LEF1: variants seen among roughly 807,000 people sequenced by gnomAD.
The protein encoded by LEF1 is lymphoid enhancer-binding factor 1.
Under a neutral mutation model 51.2 loss-of-function variants are expected in LEF1, and 14 were observed. The observed-to-expected ratio is 0.27, with a 90% CI of 0.18 to 0.43. LEF1 has a LOEUF of 0.43. Ranked by LOEUF, LEF1 falls within the 20% of genes least tolerant of loss-of-function variation. The probability of loss-of-function intolerance (pLI) is 1.00; values close to 1 mark genes in which losing one functional copy is unlikely to be tolerated. For missense variants in LEF1, 386 were observed against 512.0 expected, an observed-to-expected ratio of 0.75 and a Z score of 2.37; for synonymous variants, 185 against 183.2, an observed-to-expected ratio of 1.01 and a Z score of -0.08.
intron 3 of LEF1, among the ~76,000 whole-genome samples, chr4:108,105,520 A>G (rs1310690069): frequency 6.6e-6 from 1 of 152,182 alleles, no homozygotes. Context: ...GAAGACTACT[A>G]GGGTTCTAAT....
At chr4:108,146,148 T>C (rs1197868193) in intron 3 of LEF1, among the ~76,000 whole-genome samples, 1 of 152,228 alleles carries the variant, frequency 6.6e-6, no homozygotes, top group African/African-American at 2.4e-5. Context: ...TCTCCATGAG[T>C]AAAAACAACT....
intron 3 of LEF1, among the ~76,000 whole-genome samples, chr4:108,100,070 C>T (rs1176622615): frequency 6.6e-6 from 1 of 152,082 alleles, no homozygotes; most frequent in African/African-American, 2.4e-5. Flanking sequence ...AAAAATGATG[C>T]TGCAGACAAC....
intron 8 of LEF1, among the ~76,000 whole-genome samples, chr4:108,076,073 C>T (rs1738837268): frequency 6.6e-6 from 1 of 152,140 alleles, no homozygotes; most frequent in East Asian, 1.9e-4. Flanking sequence ...ACACATGCTA[C>T]TCCATCTGCA....
chr4:108,127,252 G>A (rs1742603805), intron 3 of LEF1, among the ~76,000 whole-genome samples: 1 of 152,076 alleles, frequency 6.6e-6, no homozygotes, highest in Non-Finnish European at 1.5e-5. Context: ...TAATTCTTTG[G>A]GTTCTTTTTT....
At chr4:108,153,396 C>G (rs1490570194) in intron 3 of LEF1, among the ~76,000 whole-genome samples, 1 of 152,172 alleles carries the variant, frequency 6.6e-6, no homozygotes, top group Non-Finnish European at 1.5e-5. Flanking sequence ...ATTGATAATA[C>G]AGTTGGTATT....
At chr4:108,103,123 T>C (rs553153162) in intron 3 of LEF1, among the ~76,000 whole-genome samples, 4 of 152,350 alleles carry the variant, frequency 2.6e-5, no homozygotes, top group Middle Eastern at 3.4e-3. Context: ...AGTGGGCCAC[T>C]AGGCCTCAGA....
chr4:108,113,323 G>A (rs1741640591), intron 3 of LEF1, among the ~76,000 whole-genome samples: 1 of 152,204 alleles, frequency 6.6e-6, no homozygotes, highest in Non-Finnish European at 1.5e-5. Context: ...TCAGGGAGGA[G>A]AGCCAGCTGA....
At chr4:108,127,100 G>A (rs1345278292) in intron 3 of LEF1, among the ~76,000 whole-genome samples, 1 of 151,486 alleles carries the variant, frequency 6.6e-6, no homozygotes, top group African/African-American at 2.4e-5. Flanking sequence ...CATAGGAGCT[G>A]GAAGTAGGAG....
At chr4:108,089,073 T>C (rs1739834883) in intron 4 of LEF1, 52 bp downstream of exon 4, 2 of 1,609,598 alleles carry the variant, frequency 1.2e-6, no homozygotes, top group South Asian at 2.2e-5. Flanking sequence ...CTGATGAGAT[T>C]TGGCTCTTCA....
At chr4:108,094,053 T>C (rs947715892) in intron 3 of LEF1, among the ~76,000 whole-genome samples, 3 of 152,178 alleles carry the variant, frequency 2.0e-5, no homozygotes, top group African/African-American at 7.2e-5. Flanking sequence ...AAGCCAGGAT[T>C]CAAATGCAGA....
chr4:108,141,877 T>G (rs1032688011), intron 3 of LEF1, among the ~76,000 whole-genome samples: 5 of 151,420 alleles, frequency 3.3e-5, no homozygotes, highest in Non-Finnish European at 7.4e-5. Context: ...AAGATGGGGG[T>G]GGGGAAGCAA....
chr4:108,077,180 T>A (rs943694765), intron 8 of LEF1, among the ~76,000 whole-genome samples: 2 of 151,160 alleles, frequency 1.3e-5, no homozygotes, highest in African/African-American at 4.9e-5. Flanking sequence ...CTCTACAAAA[T>A]TTTTTTTTTT....
rs139628444 is a variant in LEF1 at position 108,091,025 on chromosome 4, C to G, written c.415-1768G>C. Among the ~76,000 whole-genome samples the G allele has an allele frequency of 3.5e-3, 535 of 152,174 alleles. 1 individual carries two copies. The highest frequency in any genetic ancestry group is 0.011 in the African/African-American group (454 of 41,524). On this transcript the variant is annotated intron_variant, in intron 3 of 11. Coordinates refer to ENST00000265165, the MANE Select transcript of LEF1 (RefSeq NM_016269.5). ...GAATTTAAGAGAAAATTGAGCATAT[C>G]ATTATGCTCAATTCACTAGTTCAGA... is the stretch of plus-strand genomic sequence containing the variant.
At chr4:108,094,755 CT>C (rs1740269992) in intron 3 of LEF1, among the ~76,000 whole-genome samples, 1 of 152,204 alleles carries the variant, frequency 6.6e-6, no homozygotes, top group Non-Finnish European at 1.5e-5. Flanking sequence ...CTGGTAATAA[CT>C]GAATCCAGGG....
In LEF1 at chr4:108,095,533, C is replaced by A. The variant is rs138003345; in HGVS notation, c.415-6276G>T. 3.8e-3 allele frequency among the ~76,000 whole-genome samples: 582 copies of A among 152,246 alleles called. 8 individuals carry two copies. The highest frequency in any genetic ancestry group is 4.6e-3 in the Admixed American group (70 of 15,288). On this transcript the variant is annotated intron_variant, in intron 3 of 11. Coordinates refer to ENST00000265165, the MANE Select transcript of LEF1 (RefSeq NM_016269.5). ...ATCTCTATTCCAAACTACCCCCCAACCAAGTGAATGTGGCCTGCTGTGGCC... is the reference window on the plus strand; with the variant it reads ...ATCTCTATTCCAAACTACCCCCCAAACAAGTGAATGTGGCCTGCTGTGGCC...
At chr4:108,157,571 C>T (rs1346243641) in intron 3 of LEF1, among the ~76,000 whole-genome samples, 3 of 152,322 alleles carry the variant, frequency 2.0e-5, no homozygotes, top group Non-Finnish European at 4.4e-5. Flanking sequence ...CATAGGTAGA[C>T]ACAACGGTCA....
chr4:108,081,731 G>A (rs1423707069), intron 5 of LEF1, 62 bp from the exon 6 acceptor site: 1 of 1,145,656 alleles, frequency 8.7e-7, no homozygotes, highest in Admixed American at 1.8e-5. Context: ...CCAGTAGTAA[G>A]AGTTGGATGA....
intron 11 of LEF1, among the ~76,000 whole-genome samples, chr4:108,056,744 C>T (rs1737328159): frequency 6.6e-6 from 1 of 152,072 alleles, no homozygotes; most frequent in Non-Finnish European, 1.5e-5. Context: ...CCAGAAACGA[C>T]ACATATGGGA....
chr4:108,167,590 C>G lies in LEF1; in HGVS notation c.178G>C (p.Glu60Gln). The change falls in exon 1 of 12, where the codon GAG becomes CAG. Residue 60 changes from glutamate (E) to glutamine (Q), a missense_variant. By Grantham distance (29) the Glu-to-Gln change is conservative. Around this residue, in one of 2 missense-constraint regions of LEF1, gnomAD observed 335 missense variants for 390.7 expected, o/e 0.86. Coordinates refer to ENST00000265165, the MANE Select transcript of LEF1 (RefSeq NM_016269.5). The surrounding 1 kb of genome is among the most constrained non-coding windows in gnomAD (Gnocchi z 5.7). ...TTGCTGGCCGGGATGATTTCAGACTCGTTCACCAAGGAAGACTTGATGTCA... is the reference window on the plus strand; with the variant it reads ...TTGCTGGCCGGGATGATTTCAGACTGGTTCACCAAGGAAGACTTGATGTCA... ...LADIKSSLVN[E>Q]SEIIPASNGH... 6.2e-7 allele frequency: 1 copy of G among 1,614,206 alleles called. No individual in the cohort carries two copies. The highest frequency in any genetic ancestry group is 2.2e-5 in the East Asian group (1 of 44,876).
Sources: allele counts gnomAD v4.1 joint callset (sites outside exome capture counted in the v4.1 genomes callset), GRCh38; gene constraint gnomAD v4.1.1; regional missense constraint gnomAD v4.1.1; non-coding constraint Gnocchi (gnomAD v3.1); transcripts MANE v1.5; gene names NCBI Gene and HGNC (gene_info 2026-07-23, HGNC 2026-07-21).